ZNF544: variants seen among roughly 807,000 people sequenced by gnomAD.
ZNF544 encodes the protein zinc finger protein AF020591.
Under a neutral mutation model 13.5 loss-of-function variants are expected in ZNF544, and 10 were observed. That is an observed-to-expected ratio of 0.74 (90% CI 0.46 to 1.25). The LOEUF (loss-of-function observed/expected upper bound fraction) is 1.25. Ranked by LOEUF, ZNF544 falls within the 50% of genes most tolerant of loss-of-function variation. The pLI, the probability that ZNF544 is intolerant of heterozygous loss-of-function variation, is 0.00. For missense variants in ZNF544, 896 were observed against 845.6 expected (o/e 1.06, Z -0.74); for synonymous variants, 323 against 300.5 (o/e 1.07, Z -0.77).
downstream of ZNF544, chr19:58,267,516 T>C (rs911617852): frequency 3.7e-5 from 5 of 134,426 alleles, no homozygotes; most frequent in African/African-American, 1.4e-4. Context: ...CTGATCAACA[T>C]GGTGAAACCC....
chr19:58,275,197 C>A (rs563959625), intron 5 of ZNF544, among the ~76,000 whole-genome samples: 34 of 152,228 alleles, frequency 2.2e-4, no homozygotes, highest in South Asian at 6.2e-4. Flanking sequence ...GGAGCCCCCC[C>A]ACACTTGTCT....
chr19:58,269,859 T>G (rs942299898), intron 5 of ZNF544, among the ~76,000 whole-genome samples: 1 of 152,104 alleles, frequency 6.6e-6, no homozygotes, highest in African/African-American at 2.4e-5. Flanking sequence ...AGGCAGAGGT[T>G]GCAATGAGTC....
In ZNF544 at chr19:58,261,803, G is replaced by C; in HGVS notation, c.1197G>C (p.Gln399His). Residue 399 changes from glutamine (Q) to histidine (H), a missense_variant, in exon 7 of 7, where the codon CAG becomes CAC. Coordinates refer to ENST00000687789, the MANE Select transcript of ZNF544 (RefSeq NM_014480.4). ...FSQSYDLVIH[Q>H]RTHTGEKPYE... ...AGAGCTATGACCTTGTCATACATCAGAGGACACACACTGGAGAGAAGCCCT... is the reference window on the plus strand; with the variant it reads ...AGAGCTATGACCTTGTCATACATCACAGGACACACACTGGAGAGAAGCCCT... 1 of 1,614,110 alleles carries C rather than the reference G, an allele frequency of 6.2e-7. No homozygotes were observed. The highest frequency in any genetic ancestry group is 8.5e-7 in the Non-Finnish European group (1 of 1,180,024).
chr19:58,261,356 T>C lies in ZNF544; in HGVS notation c.750T>C (p.Ser250=). Residue 250 remains serine (S), a synonymous_variant, in exon 7 of 7, where the codon TCT becomes TCC. Transcript: ENST00000687789. ...ATGAATATATTGTCAGTGGTGACTC[T>C]CTCAACTATGGTTCCTCCCTTTGTT... The part of the protein sequence containing the change: ...NPYEYIVSGD[S]LNYGSSLCFH... 6.2e-7 allele frequency: 1 copy of C among 1,614,192 alleles called. No individual in the cohort carries two copies. Among genetic ancestry groups the C allele is most frequent in the Non-Finnish European group, 8.5e-7 (1 of 1,180,036 alleles).
At chr19:58,248,280 T>C (rs573364568) in intron 6 of ZNF544, among the ~76,000 whole-genome samples, 4 of 147,838 alleles carry the variant, frequency 2.7e-5, no homozygotes, top group South Asian at 2.2e-4. Context: ...TTTCTTTTTT[T>C]TTTTTTTTTT....
At chr19:58,240,257 C>CT (rs999193389) in intron 3 of ZNF544, among the ~76,000 whole-genome samples, 28 of 151,528 alleles carry the variant, frequency 1.8e-4, no homozygotes, top group Admixed American at 1.8e-3. Flanking sequence ...CTTTCTTTTT[C>CT]TTTCTTTTTT....
At chr19:58,230,847 G>T (rs1260869298) in intron 3 of ZNF544, among the ~76,000 whole-genome samples, 2 of 152,168 alleles carry the variant, frequency 1.3e-5, no homozygotes, top group Admixed American at 1.3e-4. Context: ...CTCAGAATTT[G>T]AAGGGAGCTA....
At chr19:58,230,182 TCC>T (rs1819737109) in intron 2 of ZNF544, 1 of 152,314 alleles carries the variant, frequency 6.6e-6, no homozygotes, top group Admixed American at 6.5e-5. Flanking sequence ...AGCAACTCCC[TCC>T]CCAGCCCTGC....
chr19:58,260,085 A>G (rs888141079), intron 6 of ZNF544, among the ~76,000 whole-genome samples: 2 of 152,314 alleles, frequency 1.3e-5, no homozygotes, highest in Middle Eastern at 3.4e-3. Flanking sequence ...ACAGAGCAAG[A>G]TCCTGACTGT....
At chr19:58,271,184 C>T (rs2050590409) in intron 5 of ZNF544, among the ~76,000 whole-genome samples, 1 of 150,026 alleles carries the variant, frequency 6.7e-6, no homozygotes, top group African/African-American at 2.5e-5. Flanking sequence ...TGTGCTCCAG[C>T]CTGGGCAACA....
At chr19:58,245,419 G>A (rs1276502486) in intron 4 of ZNF544, among the ~76,000 whole-genome samples, 2 of 151,588 alleles carry the variant, frequency 1.3e-5, no homozygotes, top group Non-Finnish European at 2.9e-5. Context: ...TCCTGCTGCA[G>A]CCAGGAAGAG....
intron 3 of ZNF544, among the ~76,000 whole-genome samples, chr19:58,236,321 G>A (rs2930100): frequency 6.6e-6 from 1 of 151,650 alleles, no homozygotes; most frequent in Non-Finnish European, 1.5e-5. Context: ...CCAACATGGA[G>A]AAACCCCGTC....
At chr19:58,276,337 C>T (rs2051220321) in exon 6 of ZNF544, 1 of 1,231,542 alleles carries the variant, frequency 8.1e-7, no homozygotes, top group Non-Finnish European at 1.0e-6. Flanking sequence ...GGGGATGCTG[C>T]CTGGGAGCTT....
At position 58,275,011 on chromosome 19, in the gene ZNF544, T is replaced by A. The variant is rs533872703; in HGVS notation, c.245-1312T>A. ...AACCCTGGTCAGGGTGACAGGTCCA[T>A]GACTCTTCCAGGCAAACCCAAATAA... On this transcript the variant is annotated intron_variant, in intron 5 of 6. Coordinates refer to the ZNF544 transcript ENST00000595981. Among the ~76,000 whole-genome samples the A allele has an allele frequency of 6.4e-4, 96 of 151,142 alleles. 2 individuals carry two copies. Among genetic ancestry groups the A allele is most frequent in the African/African-American group, 2.2e-3 (92 of 41,138 alleles).
chr19:58,242,411 T>A, intron 3 of ZNF544: 3 of 367,274 alleles, frequency 8.2e-6, no homozygotes, highest in Non-Finnish European at 1.1e-5. Context: ...TGTCTGAGAC[T>A]ATGGGGCAAG....
rs1568500919 is a variant in ZNF544, at chr19:58,261,840, C to CTG, written c.1239_1240dup (p.Gly414ValfsTer67). On this transcript the variant is annotated frameshift_variant, in exon 7 of 7. Coordinates refer to ENST00000687789, the MANE Select transcript of ZNF544 (RefSeq NM_014480.4). LOFTEE classifies it low-confidence loss of function (END_TRUNC). ...TGGAGAGAAGCCCTATGAGTGTGAC[C>CTG]TGTGTGGGAAATCCTTCACCCAGAG... 1 of 1,613,400 alleles carries CTG rather than the reference C, an allele frequency of 6.2e-7. No homozygotes were observed.
intron 5 of ZNF544, among the ~76,000 whole-genome samples, chr19:58,271,744 C>G (rs2050661333): frequency 6.6e-6 from 1 of 152,094 alleles, no homozygotes; most frequent in Non-Finnish European, 1.5e-5. Flanking sequence ...AAATGTGTGC[C>G]TATAGGTGAG....
chr19:58,268,999 T>A (rs1240406443), downstream of ZNF544, among the ~76,000 whole-genome samples: 1 of 152,224 alleles, frequency 6.6e-6, no homozygotes, highest in East Asian at 1.9e-4. Context: ...GAAGAGGAAC[T>A]TTTACTTTCC....
At chr19:58,270,213 T>G (rs904939290) in intron 5 of ZNF544, among the ~76,000 whole-genome samples, 4 of 152,066 alleles carry the variant, frequency 2.6e-5, no homozygotes, top group Non-Finnish European at 5.9e-5. Flanking sequence ...TCATGAAATT[T>G]GAATAAAGGA....
Sources: gnomAD v4.1 joint callset for allele counts (sites outside exome capture counted in the v4.1 genomes callset) on GRCh38, gnomAD v4.1.1 for gene constraint, MANE v1.5 for transcripts, NCBI Gene and HGNC (gene_info 2026-07-23, HGNC 2026-07-21) for gene names.